The following PLXDC2 variants were observed in gnomAD, a reference collection of about 807,000 sequenced individuals.
PLXDC2 encodes plexin domain containing 2, also known as plexin domain-containing protein 2.
Under a neutral mutation model 68.9 loss-of-function variants are expected in PLXDC2, and 40 were observed. The ratio of observed to expected loss-of-function variants is 0.58; its 90% CI spans 0.45 to 0.76. The LOEUF (loss-of-function observed/expected upper bound fraction) is 0.76, where lower values mean the gene tolerates loss of function less well. PLXDC2 is among the 30% of genes least tolerant of loss of function. The probability of loss-of-function intolerance (pLI) is 0.00; values close to 1 mark genes in which losing one functional copy is unlikely to be tolerated. For synonymous variants in PLXDC2, 243 were observed against 234.2 expected (o/e 1.04, Z -0.34); for missense variants, 644 against 661.9 (o/e 0.97, Z 0.30).
In PLXDC2 at chr10:19,857,667, T is replaced by C. The variant is rs548939957; in HGVS notation, c.112+40476T>C. ...CAGTTTGAAGAAGCAAATTGCATCA[T>C]GGCGCAGAGTTCAAATAGGAAACTA... On this transcript the variant is annotated intron_variant, in intron 1 of 13. Transcript: ENST00000377252. Among the ~76,000 whole-genome samples the C allele has an allele frequency of 5.9e-5, 9 of 152,320 alleles. No individual in the cohort carries two copies. In the East Asian group the frequency reaches 1.7e-3, roughly 29 times the overall value.
chr10:20,066,731 A>T (rs986028700), intron 3 of PLXDC2, among the ~76,000 whole-genome samples: 2 of 152,234 alleles, frequency 1.3e-5, no homozygotes, highest in African/African-American at 4.8e-5. Context: ...GATTAATTTC[A>T]TGCCAAATAA....
intron 1 of PLXDC2, among the ~76,000 whole-genome samples, chr10:19,837,038 A>G (rs545540990): frequency 6.6e-6 from 1 of 152,288 alleles, no homozygotes; most frequent in African/African-American, 2.4e-5. Context: ...TCACTAAGAA[A>G]CTGTAAAGTC....
At chr10:19,898,246 C>T (rs1008662214) in intron 1 of PLXDC2, among the ~76,000 whole-genome samples, 36 of 152,156 alleles carry the variant, frequency 2.4e-4, no homozygotes, top group African/African-American at 8.2e-4. Flanking sequence ...AGGCTTGTTA[C>T]TAGAGTATAT....
At chr10:20,141,686 A>C (rs1051192764) in intron 4 of PLXDC2, among the ~76,000 whole-genome samples, 1 of 152,062 alleles carries the variant, frequency 6.6e-6, no homozygotes, top group East Asian at 1.9e-4. Flanking sequence ...TACTCTTCAT[A>C]TTTATAATGT....
intron 12 of PLXDC2, among the ~76,000 whole-genome samples, chr10:20,223,150 G>A (rs1166875460): frequency 6.6e-6 from 1 of 152,018 alleles, no homozygotes; most frequent in Admixed American, 6.6e-5. Flanking sequence ...CCCTGACTTG[G>A]TCTATTATTA....
chr10:20,151,941 A>G (rs1231852698), intron 6 of PLXDC2, among the ~76,000 whole-genome samples: 1 of 152,054 alleles, frequency 6.6e-6, no homozygotes, highest in African/African-American at 2.4e-5. Flanking sequence ...ACCCACCACC[A>G]ATTTGGGGCT....
At chr10:20,124,604 G>C (rs1210105429) in intron 4 of PLXDC2, among the ~76,000 whole-genome samples, 2 of 152,080 alleles carry the variant, frequency 1.3e-5, no homozygotes, top group Admixed American at 6.6e-5. Context: ...ATTTCACCTG[G>C]GTGCAGGCGG....
intron 1 of PLXDC2, among the ~76,000 whole-genome samples, chr10:19,971,391 G>T (rs1002613307): frequency 6.6e-6 from 1 of 151,984 alleles, no homozygotes; most frequent in African/African-American, 2.4e-5. Flanking sequence ...TATGAACATG[G>T]GTAAGCAAAA....
At chr10:19,996,872 T>G (rs1201152528) in intron 1 of PLXDC2, among the ~76,000 whole-genome samples, 1 of 151,970 alleles carries the variant, frequency 6.6e-6, no homozygotes, top group Non-Finnish European at 1.5e-5. Flanking sequence ...TATAGAACCA[T>G]CAGATCTCAT....
At chr10:19,927,870 C>T (rs1457390788) in intron 1 of PLXDC2, among the ~76,000 whole-genome samples, 4 of 151,822 alleles carry the variant, frequency 2.6e-5, no homozygotes, top group Non-Finnish European at 2.9e-5. Flanking sequence ...ACAGATTAAT[C>T]GTACAGTGGT....
intron 2 of PLXDC2, among the ~76,000 whole-genome samples, chr10:20,034,106 A>T (rs751987581): frequency 1.3e-5 from 2 of 152,204 alleles, no homozygotes; most frequent in Non-Finnish European, 2.9e-5. Flanking sequence ...AGGTTTAGCT[A>T]TACATTGTTT....
chr10:20,213,503 T>C (rs184427022), intron 10 of PLXDC2, among the ~76,000 whole-genome samples: 431 of 152,226 alleles, frequency 2.8e-3, no homozygotes, highest in African/African-American at 9.6e-3. Context: ...TTGGGTATTT[T>C]AGGGCTTTTG....
At chr10:20,131,763 G>GA (rs536131233) in intron 4 of PLXDC2, among the ~76,000 whole-genome samples, 14 of 151,260 alleles carry the variant, frequency 9.3e-5, no homozygotes, top group South Asian at 4.2e-4. Context: ...TGTTTATTTA[G>GA]AAAAAAAACC....
At chr10:19,819,542 A>C (rs1299467939) in intron 1 of PLXDC2, among the ~76,000 whole-genome samples, 1 of 152,240 alleles carries the variant, frequency 6.6e-6, no homozygotes, top group Admixed American at 6.5e-5. Context: ...TTTATTACAG[A>C]CATGTTGGCA....
Position 20,141,213 on chromosome 10 carries a change from G to C in PLXDC2, c.542-2082G>C, listed in dbSNP as rs554992545. Among the ~76,000 whole-genome samples the C allele has an allele frequency of 3.2e-4, 49 of 152,102 alleles. 1 individual carries two copies. In the South Asian group the frequency reaches 8.7e-3, roughly 27 times the overall value. ...TAATGGTTTCTGTGATTTAAAAATT[G>C]GGTTATTGAGAGTGGGAGCAGTTTC... On this transcript the variant is annotated intron_variant, in intron 4 of 13. Transcript: ENST00000377252.
chr10:20,075,841 G>T (rs1237425895), intron 4 of PLXDC2, among the ~76,000 whole-genome samples: 1 of 152,160 alleles, frequency 6.6e-6, no homozygotes, highest in Non-Finnish European at 1.5e-5. Context: ...GAAAAACATG[G>T]TCTCCAGGCT....
chr10:20,206,875 GAC>G (rs138344194), intron 9 of PLXDC2, among the ~76,000 whole-genome samples: 1 of 113,772 alleles, frequency 8.8e-6, no homozygotes. Context: ...CACACACACA[GAC>G]ACACACACAC....
chr10:20,132,851 G>A (rs1381872087), intron 4 of PLXDC2, among the ~76,000 whole-genome samples: 1 of 151,418 alleles, frequency 6.6e-6, no homozygotes, highest in South Asian at 2.1e-4. Flanking sequence ...TTATTTACAG[G>A]TAAAGATTTA....
intron 1 of PLXDC2, among the ~76,000 whole-genome samples, chr10:19,841,425 A>G (rs186464790): frequency 6.6e-6 from 1 of 152,114 alleles, no homozygotes; most frequent in Admixed American, 6.5e-5. Context: ...TATGAAGGCA[A>G]TTCTGTTCAT....
Sources: gnomAD v4.1 joint callset for allele counts (sites outside exome capture counted in the v4.1 genomes callset) on GRCh38, gnomAD v4.1.1 for gene constraint, MANE v1.5 for transcripts, NCBI Gene and HGNC (gene_info 2026-07-23, HGNC 2026-07-21) for gene names.